The following NAV3 variants were observed in gnomAD, a reference collection of about 807,000 sequenced individuals.
NAV3 encodes pore membrane and/or filament interacting like protein 1.
Under a neutral mutation model 244.7 loss-of-function variants are expected in NAV3, and 87 were observed. That is an observed-to-expected ratio of 0.36 (90% confidence interval 0.30 to 0.42). The LOEUF is 0.42. Ranked by LOEUF, NAV3 falls within the 20% of genes least tolerant of loss-of-function variation. The probability of loss-of-function intolerance (pLI) is 1.00; values close to 1 mark genes in which losing one functional copy is unlikely to be tolerated. For synonymous variants in NAV3, 1,126 were observed against 1,042.2 expected, an observed-to-expected ratio of 1.08 and a Z score of -1.55; for missense variants, 2,663 against 2,893.3, an observed-to-expected ratio of 0.92 and a Z score of 1.83.
chr12:78,034,872 C>A (rs1412599270), intron 9 of NAV3, among the ~76,000 whole-genome samples: 1 of 152,142 alleles, frequency 6.6e-6, no homozygotes, highest in East Asian at 1.9e-4. Context: ...CTGTCAGTTT[C>A]AATTATCTGA....
intron 1 of NAV3, among the ~76,000 whole-genome samples, chr12:77,847,883 G>A (rs1876897682): frequency 6.6e-6 from 1 of 152,132 alleles, no homozygotes; most frequent in Non-Finnish European, 1.5e-5. Context: ...CAGCTGCCAG[G>A]AGGCTGAAAG....
chr12:78,157,917 T>C (rs1469652903), intron 22 of NAV3, among the ~76,000 whole-genome samples: 1 of 152,070 alleles, frequency 6.6e-6, no homozygotes, highest in Non-Finnish European at 1.5e-5. Flanking sequence ...TTTCTCCATA[T>C]TGCAGTGTCA....
At chr12:77,937,655 A>C (rs1238429219) in intron 1 of NAV3, among the ~76,000 whole-genome samples, 1 of 152,212 alleles carries the variant, frequency 6.6e-6, no homozygotes, top group Non-Finnish European at 1.5e-5. Context: ...GATGGCAGAC[A>C]GATTCACAAC....
At chr12:77,750,915 G>A (rs1868819370) in intron 2 of NAV3, among the ~76,000 whole-genome samples, 1 of 152,170 alleles carries the variant, frequency 6.6e-6, no homozygotes, top group Non-Finnish European at 1.5e-5. Context: ...ACTATAATTT[G>A]CTTAGAATTG....
At chr12:77,795,715 G>C (rs1051014582) in intron 2 of NAV3, among the ~76,000 whole-genome samples, 5 of 152,154 alleles carry the variant, frequency 3.3e-5, no homozygotes, top group Admixed American at 6.5e-5. Context: ...GTTAAGGGCT[G>C]ATGTAGCTGA....
intron 1 of NAV3, among the ~76,000 whole-genome samples, chr12:77,852,742 C>T (rs756916644): frequency 6.6e-6 from 1 of 152,020 alleles, no homozygotes; most frequent in Non-Finnish European, 1.5e-5. Flanking sequence ...CACATTTTTC[C>T]AGCTAGTAGA....
intron 2 of NAV3, among the ~76,000 whole-genome samples, chr12:77,758,396 G>C (rs1478942341): frequency 6.6e-6 from 1 of 152,116 alleles, no homozygotes; most frequent in African/African-American, 2.4e-5. Context: ...TAAGTGGGTG[G>C]TTAATAAATG....
chr12:77,599,473 A>C (rs977188704), intron 2 of NAV3, among the ~76,000 whole-genome samples: 8 of 151,902 alleles, frequency 5.3e-5, no homozygotes, highest in African/African-American at 1.7e-4. Flanking sequence ...TATACTTACC[A>C]GTACAGTGAC....
At chr12:77,948,687 C>G (rs1221302476) in intron 3 of NAV3, among the ~76,000 whole-genome samples, 1 of 138,132 alleles carries the variant, frequency 7.2e-6, no homozygotes, top group East Asian at 2.3e-4. Flanking sequence ...ATTGCCCCCC[C>G]ACCACTGCCA....
chr12:77,925,594 C>T (rs974679203), intron 1 of NAV3, among the ~76,000 whole-genome samples: 23 of 152,008 alleles, frequency 1.5e-4, no homozygotes, highest in Admixed American at 6.6e-5. Flanking sequence ...TCCATGCTCT[C>T]TTAGTGGTCA....
At chr12:78,133,719 G>A (rs300458) in intron 18 of NAV3, among the ~76,000 whole-genome samples, 7,790 of 152,128 alleles carry the variant, frequency 0.051, 263 homozygotes, top group Non-Finnish European at 0.072. Context: ...CAGCATGCTA[G>A]CCCTAGTAGA....
intron 2 of NAV3, among the ~76,000 whole-genome samples, chr12:77,744,084 G>T (rs1376513395): frequency 6.6e-6 from 1 of 151,710 alleles, no homozygotes; most frequent in East Asian, 1.9e-4. Flanking sequence ...AAATTATTTG[G>T]AAATGCAAAT....
rs769608711 is a variant in NAV3 at position 77,966,291 on chromosome 12, A to G, written c.477A>G (p.Leu159=). 2 of 1,612,810 alleles carry G rather than the reference A, an allele frequency of 1.2e-6. No individual in the cohort carries two copies. The highest frequency in any genetic ancestry group is 1.7e-5 in the Admixed American group (1 of 59,902). The change falls in exon 4 of 40, where the codon CTA becomes CTG. Residue 159 remains leucine, a synonymous_variant. Transcript: ENST00000397909. ...CCAGAGGGGTAAATGTTCAAGGTCT[A>G]TCTGCTGAAGGTAAGAAAAAGAATG... The part of the protein sequence containing the change: ...LAARGVNVQG[L]SAEEIRNGNL...
At position 77,960,465 on chromosome 12, in the gene NAV3, AC is replaced by A. The variant is rs1272439106; in HGVS notation, c.415-5763del. ...TATATATATATACACACACACACACACACACATATACATAAACACATATATA... is the reference window on the plus strand; with the variant it reads ...TATATATATATACACACACACACACAACACATATACATAAACACATATATA... On this transcript the variant is annotated intron_variant, in intron 3 of 39. Coordinates refer to ENST00000397909, the MANE Select transcript of NAV3 (RefSeq NM_001024383.2). Among the ~76,000 whole-genome samples, 110 of 150,496 alleles carry A rather than the reference AC, an allele frequency of 7.3e-4. 1 individual carries two copies. The South Asian group carries it at 0.021, about 29-fold the overall frequency.
intron 2 of NAV3, among the ~76,000 whole-genome samples, chr12:77,748,020 A>C (rs1266746414): frequency 6.6e-6 from 1 of 152,134 alleles, no homozygotes; most frequent in Non-Finnish European, 1.5e-5. Context: ...GTACCCTAAA[A>C]CTTAAAGTAT....
intron 1 of NAV3, among the ~76,000 whole-genome samples, chr12:77,906,095 T>A (rs1319718645): frequency 7.9e-5 from 12 of 152,150 alleles, no homozygotes. Flanking sequence ...CTATAGGCAC[T>A]GGATTGATTA....
intron 12 of NAV3, among the ~76,000 whole-genome samples, chr12:78,081,091 T>G (rs1474326651): frequency 6.6e-6 from 1 of 152,228 alleles, no homozygotes; most frequent in Non-Finnish European, 1.5e-5. Context: ...GAGAAAAGCC[T>G]ATCAGGCTAT....
rs35998964 is a variant in NAV3 at position 77,868,755 on chromosome 12, C to CAA, written c.243+37066_243+37067dup. On this transcript the variant is annotated intron_variant, in intron 1 of 39. Transcript: ENST00000397909. ...TGGGTGACAGAGTGAGACTCCATCT[C>CAA]AAAAAAAAAAAAAAAAGAAAAAAAA... 4.6e-3 allele frequency among the ~76,000 whole-genome samples: 472 copies of CAA among 103,442 alleles called. 6 individuals are homozygous for CAA. The highest frequency in any genetic ancestry group is 0.012 in the African/African-American group (308 of 24,760). 67.9% of individuals were successfully genotyped at this position (103,442 alleles called of 152,430 possible). A position where few individuals can be genotyped will look rare whatever the true frequency, so the allele number is the denominator to read the frequency against.
intron 29 of NAV3, among the ~76,000 whole-genome samples, chr12:78,180,047 A>G (rs1324406542): frequency 6.6e-6 from 1 of 152,144 alleles, no homozygotes; most frequent in Admixed American, 6.6e-5. Flanking sequence ...TGATTTTCAC[A>G]TACTTTCACC....
Sources: gnomAD v4.1 joint callset for allele counts (sites outside exome capture counted in the v4.1 genomes callset) on GRCh38, gnomAD v4.1.1 for gene constraint, MANE v1.5 for transcripts, NCBI Gene and HGNC (gene_info 2026-07-23, HGNC 2026-07-21) for gene names.